UBL3: variants seen among roughly 807,000 people sequenced by gnomAD.
UBL3 encodes the protein ubiquitin like 3, also known as ubiquitin-like protein 3.
In UBL3, 6 loss-of-function variants were observed where a neutral mutation model predicts 18.4. That is an observed-to-expected ratio of 0.33 (90% CI 0.18 to 0.64). The LOEUF is 0.64. Ranked by LOEUF, UBL3 falls within the 30% of genes least tolerant of loss-of-function variation. The pLI, the probability that UBL3 is intolerant of heterozygous loss-of-function variation, is 0.76. For synonymous variants in UBL3, 49 were observed against 46.6 expected (o/e 1.05, Z -0.21); for missense variants, 109 against 142.9 (o/e 0.76, Z 1.21).
chr13:29,791,822 C>G (rs1877486576), intron 1 of UBL3, among the ~76,000 whole-genome samples: 1 of 152,106 alleles, frequency 6.6e-6, no homozygotes, highest in Non-Finnish European at 1.5e-5. Context: ...TAAGGTCATC[C>G]TACATATATC....
chr13:29,826,070 C>T (rs1013979023), intron 1 of UBL3, among the ~76,000 whole-genome samples: 1 of 152,050 alleles, frequency 6.6e-6, no homozygotes, highest in East Asian at 1.9e-4. Context: ...TGGATAAGCT[C>T]TTTGATGTGC....
At chr13:29,770,877 T>C (rs1876823862) in intron 3 of UBL3, among the ~76,000 whole-genome samples, 1 of 152,048 alleles carries the variant, frequency 6.6e-6, no homozygotes, top group African/African-American at 2.4e-5. Flanking sequence ...AGATATCTCT[T>C]AGTAGATAGC....
intron 1 of UBL3, among the ~76,000 whole-genome samples, chr13:29,788,641 C>T (rs1429873947): frequency 6.6e-6 from 1 of 152,120 alleles, no homozygotes; most frequent in African/African-American, 2.4e-5. Flanking sequence ...ACTTTTGAGA[C>T]AAAATACTCC....
intron 1 of UBL3, among the ~76,000 whole-genome samples, chr13:29,796,604 A>G (rs192687784): frequency 1.8e-4 from 27 of 152,338 alleles, no homozygotes; most frequent in African/African-American, 5.8e-4. Flanking sequence ...ACTCAATTAC[A>G]TATTTTAAAT....
intron 3 of UBL3, among the ~76,000 whole-genome samples, chr13:29,768,063 C>A (rs1289443701): frequency 6.6e-6 from 1 of 151,966 alleles, no homozygotes; most frequent in Non-Finnish European, 1.5e-5. Context: ...ATATTCATTT[C>A]TAAATCTAAT....
intron 1 of UBL3, among the ~76,000 whole-genome samples, chr13:29,797,482 C>T (rs1254086624): frequency 3.9e-5 from 6 of 152,178 alleles, no homozygotes; most frequent in African/African-American, 1.2e-4. Context: ...CAAGATAGTG[C>T]TGGAGAAAGA....
chr13:29,815,170 C>T (rs1015822269), intron 1 of UBL3, among the ~76,000 whole-genome samples: 1 of 152,102 alleles, frequency 6.6e-6, no homozygotes, highest in African/African-American at 2.4e-5. Flanking sequence ...AACAGAAATC[C>T]TGTGTCACTG....
chr13:29,767,510 A>C (rs1162721929), intron 4 of UBL3, 108 bp downstream of exon 4: 1 of 1,298,154 alleles, frequency 7.7e-7, no homozygotes, highest in African/African-American at 1.5e-5. Context: ...ATCTCTATTC[A>C]TAAACTATGC....
intron 1 of UBL3, among the ~76,000 whole-genome samples, chr13:29,842,332 A>T (rs1296769601): frequency 1.3e-5 from 2 of 151,762 alleles, no homozygotes; most frequent in Non-Finnish European, 2.9e-5. Flanking sequence ...TAATTTTTGT[A>T]TTTTTAGTAG....
chr13:29,764,424 AG>A lies in UBL3; in HGVS notation c.*2830del, dbSNP rs1176231021. 4 of 152,216 alleles carry A rather than the reference AG, an allele frequency of 2.6e-5. No homozygotes were observed. Among genetic ancestry groups the A allele is most frequent in the Non-Finnish European group, 5.9e-5 (4 of 68,018 alleles). 9.4% of individuals were successfully genotyped at this position (152,216 alleles called of 1,614,324 possible). ...GAAATATTCTACAACAGATGAAGAA[AG>A]TTTTAATTTCTTTTCACATTAAACA... On this transcript the variant is annotated 3_prime_UTR_variant, in exon 5 of 5. Coordinates refer to ENST00000380680, the MANE Select transcript of UBL3 (RefSeq NM_007106.4).
intron 1 of UBL3, among the ~76,000 whole-genome samples, chr13:29,832,008 C>A (rs1181886580): frequency 2.0e-5 from 3 of 152,156 alleles, no homozygotes; most frequent in Non-Finnish European, 4.4e-5. Flanking sequence ...ACACAAGTAG[C>A]CCAGCACGTG....
intron 1 of UBL3, among the ~76,000 whole-genome samples, chr13:29,808,950 T>C (rs972508126): frequency 2.0e-5 from 3 of 152,186 alleles, no homozygotes; most frequent in African/African-American, 7.2e-5. Flanking sequence ...AGACTATTTA[T>C]ATTTTTAACA....
chr13:29,802,069 G>A (rs988407834), intron 1 of UBL3, among the ~76,000 whole-genome samples: 2 of 152,204 alleles, frequency 1.3e-5, no homozygotes, highest in African/African-American at 4.8e-5. Context: ...AGCAGGGAGA[G>A]GAAGCACAGC....
chr13:29,801,404 G>A (rs531908471), intron 1 of UBL3, among the ~76,000 whole-genome samples: 1 of 152,236 alleles, frequency 6.6e-6, no homozygotes, highest in African/African-American at 2.4e-5. Context: ...GAGAAGAAAC[G>A]AAGAGCCTGA....
chr13:29,787,455 C>T (rs1297194161), intron 1 of UBL3, among the ~76,000 whole-genome samples: 2 of 152,168 alleles, frequency 1.3e-5, no homozygotes, highest in African/African-American at 4.8e-5. Flanking sequence ...AGAAGACTGA[C>T]AGTATGTTTT....
Position 29,835,138 on chromosome 13 carries a change from AT to A in UBL3, c.27+14373del, listed in dbSNP as rs1566001095. On this transcript the variant is annotated intron_variant, in intron 1 of 4. Coordinates refer to ENST00000380680, the MANE Select transcript of UBL3 (RefSeq NM_007106.4). ...TATATATATATAAATATATATATAT[AT>A]ATATATATATATATATATATATATA... 1.1e-3 allele frequency among the ~76,000 whole-genome samples: 10 copies of A among 9,484 alleles called. 1 individual carries two copies. Among genetic ancestry groups the A allele is most frequent in the Non-Finnish European group, 1.4e-3 (7 of 5,174 alleles). The allele number at this position is 9,484 out of a possible 152,430, so 6.2% of individuals were successfully genotyped here.
At chr13:29,783,576 TATA>T (rs1877233968) in intron 1 of UBL3, among the ~76,000 whole-genome samples, 1 of 152,238 alleles carries the variant, frequency 6.6e-6, no homozygotes, top group Admixed American at 6.5e-5. Context: ...GTTCCTATGC[TATA>T]ATAAGAATCT....
intron 1 of UBL3, among the ~76,000 whole-genome samples, chr13:29,798,998 T>C (rs1168000263): frequency 6.6e-6 from 1 of 152,170 alleles, no homozygotes; most frequent in East Asian, 1.9e-4. Context: ...TTGCCAAAGG[T>C]AAGTGGGAAA....
At chr13:29,786,559 C>T (rs4142340) in intron 1 of UBL3, among the ~76,000 whole-genome samples, 147,819 of 152,306 alleles carry the variant, frequency 0.97, 71,797 homozygotes, top group Non-Finnish European at 1. Context: ...TCTCCCCCAC[C>T]GAAATGGGGC....
Sources: allele counts gnomAD v4.1 joint callset (sites outside exome capture counted in the v4.1 genomes callset), GRCh38; gene constraint gnomAD v4.1.1; transcripts MANE v1.5; gene names NCBI Gene and HGNC (gene_info 2026-07-23, HGNC 2026-07-21).